The following CEP85L variants were observed in gnomAD, a reference collection of about 807,000 sequenced individuals.
CEP85L encodes the protein centrosomal protein of 85 kDa-like.
Under a neutral mutation model 100.3 loss-of-function variants are expected in CEP85L, and 60 were observed. The ratio of observed to expected loss-of-function variants is 0.60; its 90% CI spans 0.49 to 0.74. The LOEUF is 0.74. Ranked by LOEUF, CEP85L falls within the 30% of genes least tolerant of loss-of-function variation. CEP85L has a pLI of 0.00. For synonymous variants in CEP85L, 319 were observed against 322.7 expected (o/e 0.99, Z 0.12); for missense variants, 973 against 936.2 (o/e 1.04, Z -0.51).
At chr6:118,491,236 CACAT>C (rs764584994) in intron 6 of CEP85L, among the ~76,000 whole-genome samples, 1,764 of 129,632 alleles carry the variant, frequency 0.014, 16 homozygotes, top group African/African-American at 0.029. Flanking sequence ...CACACACACA[CACAT>C]ATGCATGCAT....
At position 118,566,257 on chromosome 6, in the gene CEP85L, G is replaced by A. The variant is rs761190243; in HGVS notation, c.292C>T (p.Pro98Ser). ...TTAGACGGCATCACATGGGCAGTAGGAAGAGTAATCAATGATTGACTAGGC... is the reference window on the plus strand; with the variant it reads ...TTAGACGGCATCACATGGGCAGTAGAAAGAGTAATCAATGATTGACTAGGC... ...FKPSQSLITL[P>S]TAHVMPSNSS... The change falls in exon 3 of 13, where the codon CCT (proline) becomes TCT (serine). Residue 98 changes from proline to serine, a missense_variant. This residue lies in a region of CEP85L where 890 missense variants were observed against 844.5 expected (regional missense o/e 1.05). Transcript: ENST00000368491. 1 of 1,613,970 alleles carries A rather than the reference G, an allele frequency of 6.2e-7. No individual in the cohort carries two copies. The highest frequency in any genetic ancestry group is 1.3e-5 in the African/African-American group (1 of 74,922).
chr6:118,630,566 T>G (rs533600500), intron 2 of CEP85L, among the ~76,000 whole-genome samples: 14 of 152,340 alleles, frequency 9.2e-5, no homozygotes, highest in Admixed American at 8.5e-4. Context: ...GTTGATAAAC[T>G]GTGGTACATC....
At chr6:118,600,174 G>C (rs1781653383) in intron 2 of CEP85L, among the ~76,000 whole-genome samples, 1 of 151,980 alleles carries the variant, frequency 6.6e-6, no homozygotes, top group Admixed American at 6.6e-5. Context: ...CCTCACAGGA[G>C]ATGGAGTTAA....
intron 5 of CEP85L, chr6:118,502,529 T>C (rs942975291): frequency 4.1e-5 from 20 of 490,322 alleles, no homozygotes; most frequent in African/African-American, 3.5e-4. Context: ...ATTTGGACTC[T>C]AATACTCAAG....
At chr6:118,686,215 C>CAA (rs138990124) in intron 1 of CEP85L, among the ~76,000 whole-genome samples, 33,371 of 150,358 alleles carry the variant, frequency 0.22, 4,793 homozygotes, top group Non-Finnish European at 0.32. Context: ...TTTTTAGAAA[C>CAA]AACTTTATTG....
chr6:118,574,981 C>T (rs970999934), intron 2 of CEP85L, among the ~76,000 whole-genome samples: 14 of 151,404 alleles, frequency 9.2e-5, no homozygotes, highest in South Asian at 4.2e-4. Flanking sequence ...GGTTGGGGGG[C>T]GGGGGCAGTG....
intron 1 of CEP85L, among the ~76,000 whole-genome samples, chr6:118,661,313 T>C (rs1384191436): frequency 6.6e-6 from 1 of 152,250 alleles, no homozygotes; most frequent in African/African-American, 2.4e-5. Context: ...TATTTATACA[T>C]GTGTCCTATT....
chr6:118,512,389 AGTGCTTCAGGGT>A (rs1187220416), intron 4 of CEP85L, among the ~76,000 whole-genome samples: 1 of 152,218 alleles, frequency 6.6e-6, no homozygotes, highest in African/African-American at 2.4e-5. Context: ...TACAGGGAAC[AGTGCTTCAGGGT>A]GCCTTGGAAT....
intron 2 of CEP85L, among the ~76,000 whole-genome samples, chr6:118,601,370 T>C (rs140864730): frequency 8.9e-4 from 136 of 152,334 alleles, no homozygotes; most frequent in African/African-American, 3.1e-3. Flanking sequence ...GGCAATTTTA[T>C]TGGTAAAGAC....
chr6:118,505,800 A>G (rs946682353), intron 5 of CEP85L, among the ~76,000 whole-genome samples: 1 of 152,216 alleles, frequency 6.6e-6, no homozygotes, highest in African/African-American at 2.4e-5. Context: ...GCATGATACG[A>G]TAATGGTGGA....
chr6:118,565,887 T>C lies in CEP85L; in HGVS notation c.662A>G (p.Lys221Arg). 1 of 1,614,096 alleles carries C rather than the reference T, an allele frequency of 6.2e-7. No homozygotes were observed. The highest frequency in any genetic ancestry group is 8.5e-7 in the Non-Finnish European group (1 of 1,180,022). The change falls in exon 3 of 13, where the codon AAA becomes AGA. Residue 221 changes from lysine to arginine, a missense_variant. Coordinates refer to ENST00000368491, the MANE Select transcript of CEP85L (RefSeq NM_001042475.3). ...LRLEDKEINK[K>R]RSSTLDCKYK... Reference sequence around the variant, plus strand: ...CTTGCAGTCCAGAGTTGATGACCGTTTTTTATTTATTTCCTTGTCCTCTAA... The same window carrying C: ...CTTGCAGTCCAGAGTTGATGACCGTCTTTTATTTATTTCCTTGTCCTCTAA...
chr6:118,559,387 T>G (rs1779096271), intron 3 of CEP85L: 2 of 377,604 alleles, frequency 5.3e-6, no homozygotes, highest in African/African-American at 4.2e-5. Context: ...ATGAAGAGTT[T>G]AGTTTTAAAA....
At chr6:118,569,341 C>CAAAAAAAAAAAAAAAAAAAAA (rs56123225) in intron 2 of CEP85L, among the ~76,000 whole-genome samples, 3 of 68,214 alleles carry the variant, frequency 4.4e-5, no homozygotes, top group African/African-American at 1.3e-4. Context: ...GACTCTGTCT[C>CAAAAAAAAAAAAAAAAAAAAA]AAAAAAAAAA....
chr6:118,481,828 A>C lies in CEP85L; in HGVS notation c.1696T>G (p.Leu566Val). The C allele has an allele frequency of 6.3e-7, 1 of 1,599,342 alleles. No homozygotes were observed. Among genetic ancestry groups the C allele is most frequent in the Non-Finnish European group, 8.5e-7 (1 of 1,172,838 alleles). ...KKQCQDKETQ[L>V]ICQKKKEKEL... ...TTTTCTTTCTTTTTCTGGCATATTA[A>C]CTGTGTCTCTTTATCTTGACACTGC... Residue 566 changes from leucine (L) to valine (V), a missense_variant, in exon 8 of 13, where the codon TTA becomes GTA. Leu to Val is a conservative substitution (Grantham distance 32, BLOSUM62 1). Around this residue, in one of 3 missense-constraint regions of CEP85L, gnomAD observed 890 missense variants for 844.5 expected, o/e 1.05. Coordinates refer to ENST00000368491, the MANE Select transcript of CEP85L (RefSeq NM_001042475.3).
intron 3 of CEP85L, among the ~76,000 whole-genome samples, chr6:118,563,123 C>T (rs1779318429): frequency 6.6e-6 from 1 of 152,128 alleles, no homozygotes; most frequent in South Asian, 2.1e-4. Context: ...CAAAGACTAG[C>T]AGTAGGCATT....
At chr6:118,656,808 T>C (rs1451300526), upstream of CEP85L, 2 of 152,208 alleles carry the variant, frequency 1.3e-5, no homozygotes, top group African/African-American at 4.8e-5. Flanking sequence ...AATATAACAA[T>C]AGATTATTGT....
At chr6:118,624,835 C>T (rs955225497) in intron 2 of CEP85L, among the ~76,000 whole-genome samples, 1 of 152,220 alleles carries the variant, frequency 6.6e-6, no homozygotes, top group Non-Finnish European at 1.5e-5. Flanking sequence ...TAATTAAAAA[C>T]TTGATCCAAC....
chr6:118,576,027 C>A (rs1780208561), intron 2 of CEP85L, among the ~76,000 whole-genome samples: 1 of 152,094 alleles, frequency 6.6e-6, no homozygotes. Flanking sequence ...TAGAACATAT[C>A]ATACCCAGGC....
chr6:118,496,968 T>C (rs1774968209), intron 5 of CEP85L, among the ~76,000 whole-genome samples: 1 of 152,192 alleles, frequency 6.6e-6, no homozygotes, highest in African/African-American at 2.4e-5. Context: ...AGCAGAAATC[T>C]TGAAACAGAC....
Sources: gnomAD v4.1 joint callset for allele counts (sites outside exome capture counted in the v4.1 genomes callset) on GRCh38, gnomAD v4.1.1 for gene constraint, gnomAD v4.1.1 regional missense constraint, MANE v1.5 for transcripts, NCBI Gene and HGNC (gene_info 2026-07-23, HGNC 2026-07-21) for gene names.